The following TMEM236 variants were observed in gnomAD, a reference collection of about 807,000 sequenced individuals.
TMEM236 encodes the protein transmembrane protein 236.
A neutral mutation model predicts 14.7 loss-of-function variants in TMEM236; 11 were observed. That is an observed-to-expected ratio of 0.75 (90% CI 0.47 to 1.24). TMEM236 has a LOEUF of 1.24. Among genes scored for constraint, TMEM236 ranks in the 50% most tolerant of loss-of-function variants. The pLI is 0.00. For synonymous variants in TMEM236, 182 were observed against 168.6 expected, an observed-to-expected ratio of 1.08 and a Z score of -0.62; for missense variants, 464 against 427.3, an observed-to-expected ratio of 1.09 and a Z score of -0.76.
At chr10:17,783,947 C>A (rs1220317012) in intron 3 of TMEM236, among the ~76,000 whole-genome samples, 5 of 151,910 alleles carry the variant, frequency 3.3e-5, no homozygotes, top group African/African-American at 1.2e-4. Flanking sequence ...TCTTCTACTT[C>A]CTTTTTTTTT....
At chr10:17,795,886 A>T (rs979743718) in intron 3 of TMEM236, 35 bp from the exon 4 acceptor site, 105 of 1,603,948 alleles carry the variant, frequency 6.5e-5, no homozygotes, top group East Asian at 6.5e-4. Flanking sequence ...GATACATTTT[A>T]AAAACTAAAA....
At chr10:17,781,560 A>T (rs781944244) in intron 3 of TMEM236, among the ~76,000 whole-genome samples, 19,779 of 151,984 alleles carry the variant, frequency 0.13, 1,645 homozygotes, top group East Asian at 0.37. Context: ...AGCCTGGCCA[A>T]CATGGTGAAA....
At chr10:17,764,212 C>T (rs1244348829) in intron 1 of TMEM236, among the ~76,000 whole-genome samples, 1 of 152,218 alleles carries the variant, frequency 6.6e-6, no homozygotes, top group Non-Finnish European at 1.5e-5. Flanking sequence ...TATGAGAAAT[C>T]TCAGGGCCAG....
intron 3 of TMEM236, among the ~76,000 whole-genome samples, chr10:17,793,281 G>C (rs1030797347): frequency 2.0e-5 from 3 of 152,040 alleles, no homozygotes; most frequent in Admixed American, 6.5e-5. Flanking sequence ...TCACTTTTGG[G>C]GTTTCCACTT....
intron 1 of TMEM236, among the ~76,000 whole-genome samples, chr10:17,762,934 T>G (rs1003643197): frequency 2.0e-5 from 3 of 150,058 alleles, no homozygotes; most frequent in African/African-American, 7.4e-5. Flanking sequence ...ATTATAGACA[T>G]GAGCCACCAT....
intron 1 of TMEM236, among the ~76,000 whole-genome samples, chr10:17,761,609 G>A (rs1050226680): frequency 9.1e-4 from 137 of 150,838 alleles, no homozygotes; most frequent in African/African-American, 3.0e-3. Context: ...CAGGAGAATC[G>A]CTGGAACCCG....
intron 1 of TMEM236, among the ~76,000 whole-genome samples, chr10:17,766,007 G>A (rs1837456554): frequency 6.6e-6 from 1 of 152,210 alleles, no homozygotes; most frequent in East Asian, 1.9e-4. Context: ...CAAGACAGCA[G>A]TATTTCTGCT....
chr10:17,775,927 A>C (rs1837651919), intron 2 of TMEM236, 102 bp from the exon 3 acceptor site: 2 of 1,439,802 alleles, frequency 1.4e-6, no homozygotes, highest in Admixed American at 3.5e-5. Flanking sequence ...TTTTTAGTAA[A>C]TGTAATTATA....
In TMEM236 at chr10:17,799,004, G is replaced by A; in HGVS notation, c.*2500G>A. ...TGAAAAATAATACATACAATCTTAA[G>A]GTTACTTCAGACTATACTTTTTCAT... On this transcript the variant is annotated 3_prime_UTR_variant, in exon 4 of 4. Coordinates refer to ENST00000377495, the MANE Select transcript of TMEM236 (RefSeq NM_001098844.3). 3.5e-6 allele frequency: 1 copy of A among 289,666 alleles called. No homozygotes were observed. Among genetic ancestry groups the A allele is most frequent in the Non-Finnish European group, 6.7e-6 (1 of 150,002 alleles). 17.9% of individuals were successfully genotyped at this position (289,666 alleles called of 1,614,324 possible).
intron 2 of TMEM236, among the ~76,000 whole-genome samples, chr10:17,773,240 T>A (rs2131750864): frequency 6.6e-6 from 1 of 152,286 alleles, no homozygotes; most frequent in Admixed American, 6.5e-5. Context: ...TTGTGAGAGA[T>A]AAGGTCAAAC....
rs1039401330 is a variant in TMEM236 at position 17,799,618 on chromosome 10, C to T, written c.*3114C>T. The T allele has an allele frequency of 2.0e-5, 3 of 152,486 alleles. No individual in the cohort carries two copies. Among genetic ancestry groups the T allele is most frequent in the African/African-American group, 4.8e-5 (2 of 41,524 alleles). The allele number at this position is 152,486 out of a possible 1,614,324, so 9.4% of individuals were successfully genotyped here. Reference sequence around the variant, plus strand: ...AAATTATAATACAAGTAATTACTTTCGAATTCTGCCATGGGTATCTTTTTA... The same window carrying T: ...AAATTATAATACAAGTAATTACTTTTGAATTCTGCCATGGGTATCTTTTTA... On this transcript the variant is annotated 3_prime_UTR_variant, in exon 4 of 4. Transcript: ENST00000377495.
At chr10:17,774,664 T>C (rs1294255549) in intron 2 of TMEM236, among the ~76,000 whole-genome samples, 3 of 152,246 alleles carry the variant, frequency 2.0e-5, no homozygotes, top group Non-Finnish European at 2.9e-5. Context: ...TTCCAGAATT[T>C]CCTGCCTTTT....
At chr10:17,777,783 C>T (rs2131754412) in intron 3 of TMEM236, among the ~76,000 whole-genome samples, 1 of 152,044 alleles carries the variant, frequency 6.6e-6, no homozygotes, top group South Asian at 2.1e-4. Context: ...CGGAGTCTTG[C>T]TCTGGAATGC....
chr10:17,776,252 G>A, intron 3 of TMEM236, 82 bp downstream of exon 3: 2 of 1,289,498 alleles, frequency 1.6e-6, no homozygotes, highest in Non-Finnish European at 2.2e-6. Context: ...CTGACAACAT[G>A]TTTAATGATA....
chr10:17,753,311 G>A (rs71495299), intron 1 of TMEM236, among the ~76,000 whole-genome samples: 8,204 of 152,314 alleles, frequency 0.054, 295 homozygotes, highest in Non-Finnish European at 0.08. Context: ...GTTAACTTGT[G>A]TCATGGGGAT....
intron 3 of TMEM236, among the ~76,000 whole-genome samples, chr10:17,790,782 T>A (rs1232476313): frequency 6.6e-6 from 1 of 152,208 alleles, no homozygotes; most frequent in Non-Finnish European, 1.5e-5. Flanking sequence ...CATTTTCCCC[T>A]TGGGAGAAAT....
rs1264158349 is a variant in TMEM236 at position 17,792,518 on chromosome 10, G to T, written c.473-3403G>T. Among the ~76,000 whole-genome samples, 13 of 152,304 alleles carry T rather than the reference G, an allele frequency of 8.5e-5. 1 individual carries two copies. In the East Asian group the frequency reaches 1.5e-3, roughly 18 times the overall value. On this transcript the variant is annotated intron_variant, in intron 3 of 3. Transcript: ENST00000377495. The stretch of plus-strand genomic sequence containing the variant: ...ACGTTAGGTGTTAAAAACTTTTGGA[G>T]AACAAGTTAGAGGTAAAAATAAATC...
At chr10:17,768,460 T>C (rs35660822) in intron 1 of TMEM236, among the ~76,000 whole-genome samples, 73,812 of 152,024 alleles carry the variant, frequency 0.49, 18,730 homozygotes, top group South Asian at 0.6. Context: ...TGATTTATTT[T>C]CTAAAAATCT....
chr10:17,779,007 C>T (rs915513061), intron 3 of TMEM236, among the ~76,000 whole-genome samples: 15 of 152,092 alleles, frequency 9.9e-5, no homozygotes, highest in East Asian at 5.8e-4. Flanking sequence ...ATTTTTCTGA[C>T]GCGTGGATCT....
Sources: allele counts gnomAD v4.1 joint callset (sites outside exome capture counted in the v4.1 genomes callset), GRCh38; gene constraint gnomAD v4.1.1; transcripts MANE v1.5; gene names NCBI Gene and HGNC (gene_info 2026-07-23, HGNC 2026-07-21).